Variants in CEACAM21 observed in about 807,000 individuals in gnomAD.
CEACAM21 encodes CEA cell adhesion molecule 21.
A neutral mutation model predicts 33.2 loss-of-function variants in CEACAM21; 38 were observed. The ratio of observed to expected loss-of-function variants is 1.14; its 90% confidence interval spans 0.88 to 1.50. The LOEUF (loss-of-function observed/expected upper bound fraction) is 1.50. Ranked by LOEUF, CEACAM21 falls within the 40% of genes most tolerant of loss-of-function variation. The probability of loss-of-function intolerance (pLI) is 0.00; values close to 1 mark genes in which losing one functional copy is unlikely to be tolerated. For missense variants in CEACAM21, 385 were observed against 364.6 expected (o/e 1.06, Z -0.46); for synonymous variants, 156 against 143.0 (o/e 1.09, Z -0.65).
chr19:41,566,579 T>C (rs1284979179), intron 2 of CEACAM21, among the ~76,000 whole-genome samples: 1 of 152,216 alleles, frequency 6.6e-6, no homozygotes. Context: ...TTCACTAAGA[T>C]TTTGTTTGAT....
intron 1 of CEACAM21, among the ~76,000 whole-genome samples, chr19:41,558,837 A>G (rs1555786146): frequency 6.6e-6 from 1 of 152,222 alleles, no homozygotes. Context: ...ATTAAAATAT[A>G]TATTCTCTGT....
chr19:41,575,984 G>A (rs576942730), upstream of CEACAM21, among the ~76,000 whole-genome samples: 4 of 152,296 alleles, frequency 2.6e-5, no homozygotes, highest in African/African-American at 9.6e-5. Context: ...GTCCTGTTAT[G>A]AGGACCCCAT....
chr19:41,560,663 C>G (rs1568583448), intron 1 of CEACAM21, among the ~76,000 whole-genome samples: 1 of 152,146 alleles, frequency 6.6e-6, no homozygotes, highest in African/African-American at 2.4e-5. Flanking sequence ...CCCAAGAATA[C>G]AGTTAAACAG....
chr19:41,574,009 A>G (rs1555790199), upstream of CEACAM21, among the ~76,000 whole-genome samples: 1 of 152,206 alleles, frequency 6.6e-6, no homozygotes, highest in Non-Finnish European at 1.5e-5. Context: ...ATAGAGATCA[A>G]TGGAATAGAA....
chr19:41,560,778 G>T (rs2041834464), intron 1 of CEACAM21, among the ~76,000 whole-genome samples: 1 of 152,102 alleles, frequency 6.6e-6, no homozygotes, highest in South Asian at 2.1e-4. Flanking sequence ...CTCAAATTCA[G>T]CCTGAATTTA....
upstream of CEACAM21, among the ~76,000 whole-genome samples, chr19:41,572,474 G>A (rs1173593851): frequency 6.6e-6 from 1 of 152,110 alleles, no homozygotes. Flanking sequence ...TGTAAGCCGG[G>A]GGAGAGCTTT....
chr19:41,577,644 A>C (rs1473056298), intron 2 of CEACAM21, 85 bp downstream of exon 2: 9 of 1,575,356 alleles, frequency 5.7e-6, no homozygotes, highest in Non-Finnish European at 7.7e-6. Context: ...CTGTGCCTGC[A>C]TCCCCCTCTG....
chr19:41,576,236 T>C lies in CEACAM21; in HGVS notation c.-39T>C. 3.7e-6 allele frequency: 6 copies of C among 1,612,420 alleles called. No homozygotes were observed. Among genetic ancestry groups the C allele is most frequent in the Non-Finnish European group, 5.1e-6 (6 of 1,178,668 alleles). On this transcript the variant is annotated 5_prime_UTR_variant, in exon 1 of 7. Transcript: ENST00000401445. ...TCTAGAGCGTTCCTGGAGCCCAAGC[T>C]CCTCTCCACAGAGGAGGACAGAGCA...
chr19:41,557,705 TGCAAGTGAACTG>T (rs1555785867), intron 1 of CEACAM21, among the ~76,000 whole-genome samples: 1 of 152,250 alleles, frequency 6.6e-6, no homozygotes, highest in Non-Finnish European at 1.5e-5. Context: ...ATGTTTACAT[TGCAAGTGAACTG>T]GCATTTCCTT....
upstream of CEACAM21, among the ~76,000 whole-genome samples, chr19:41,573,461 G>A (rs1555790034): frequency 6.6e-6 from 1 of 152,156 alleles, no homozygotes; most frequent in Non-Finnish European, 1.5e-5. Flanking sequence ...CTCCCAACCA[G>A]GGTCACTGCC....
intron 1 of CEACAM21, 145 bp from the exon 2 acceptor site, chr19:41,577,055 C>T (rs904969558): frequency 2.4e-6 from 2 of 828,024 alleles, no homozygotes; most frequent in Non-Finnish European, 3.8e-6. Context: ...GAATGAGGGT[C>T]ATGCTGCTGA....
At chr19:41,582,768 G>A (rs2043509859) in intron 3 of CEACAM21, among the ~76,000 whole-genome samples, 1 of 152,196 alleles carries the variant, frequency 6.6e-6, no homozygotes, top group Admixed American at 6.5e-5. Flanking sequence ...GGGGAGCCCT[G>A]GGCCTGGCCC....
chr19:41,572,771 A>G (rs1293515536), upstream of CEACAM21, among the ~76,000 whole-genome samples: 1 of 152,048 alleles, frequency 6.6e-6, no homozygotes, highest in East Asian at 1.9e-4. Context: ...CATGCCCCCA[A>G]CTGAAACCAG....
chr19:41,560,421 T>A (rs569340615), intron 1 of CEACAM21, among the ~76,000 whole-genome samples: 21 of 152,248 alleles, frequency 1.4e-4, no homozygotes, highest in African/African-American at 4.6e-4. Context: ...GGGGTCTCAC[T>A]ATTTTGCCCA....
chr19:41,583,571 A>G (rs117813662), intron 3 of CEACAM21, among the ~76,000 whole-genome samples: 189 of 152,368 alleles, frequency 1.2e-3, no homozygotes, highest in Non-Finnish European at 2.5e-3. Flanking sequence ...ACAATTCCAC[A>G]TGGCTGGAGA....
intron 1 of CEACAM21, among the ~76,000 whole-genome samples, chr19:41,560,863 G>A (rs903391460): frequency 3.3e-5 from 5 of 152,142 alleles, no homozygotes; most frequent in African/African-American, 4.8e-5. Flanking sequence ...AAATGCTACA[G>A]AAAGCATGCT....
chr19:41,579,123 A>G, intron 2 of CEACAM21: 1 of 642,936 alleles, frequency 1.6e-6, no homozygotes, highest in Non-Finnish European at 2.7e-6. Flanking sequence ...GAGGGTTTTC[A>G]GGGCTCCCTG....
Position 41,563,059 on chromosome 19 carries a change from A to C in CEACAM21, c.-778-1623A>C, listed in dbSNP as rs193154033. On this transcript the variant is annotated intron_variant, in intron 1 of 7. Coordinates refer to the CEACAM21 transcript ENST00000407170. Reference sequence around the variant, plus strand: ...TTTCATTTTCAAGAAGTTTAAAAGCACATAACGAAATATATGGTTTTTCAG... The same window carrying C: ...TTTCATTTTCAAGAAGTTTAAAAGCCCATAACGAAATATATGGTTTTTCAG... Among the ~76,000 whole-genome samples the C allele has an allele frequency of 2.6e-5, 4 of 152,290 alleles. No homozygotes were observed. The East Asian group carries it at 7.7e-4, about 29-fold the overall frequency.
At chr19:41,557,659 C>G (rs899374056) in intron 1 of CEACAM21, among the ~76,000 whole-genome samples, 3 of 152,182 alleles carry the variant, frequency 2.0e-5, no homozygotes, top group Admixed American at 6.5e-5. Flanking sequence ...CATGGGTTCT[C>G]TCTCAGGTCC....
Sources: allele counts gnomAD v4.1 joint callset (sites outside exome capture counted in the v4.1 genomes callset), GRCh38; gene constraint gnomAD v4.1.1; transcripts MANE v1.5; gene names NCBI Gene and HGNC (gene_info 2026-07-23, HGNC 2026-07-21).